Variants in SLC9A9 observed in about 807,000 individuals in gnomAD.
SLC9A9 encodes solute carrier family 9 member A9.
In SLC9A9, 62 loss-of-function variants were observed where a neutral mutation model predicts 77.8. The observed-to-expected ratio is 0.80, with a 90% CI of 0.65 to 0.98. The LOEUF (loss-of-function observed/expected upper bound fraction) is 0.98, where lower values mean the gene tolerates loss of function less well. Among genes scored for constraint, SLC9A9 ranks in the 50% least tolerant of loss-of-function variants. The pLI, the probability that SLC9A9 is intolerant of heterozygous loss-of-function variation, is 0.00. For synonymous variants in SLC9A9, 320 were observed against 283.5 expected (o/e 1.13, Z -1.29); for missense variants, 775 against 774.9 (o/e 1.00, Z 0.00).
At chr3:143,465,610 C>T (rs2035268654) in intron 12 of SLC9A9, among the ~76,000 whole-genome samples, 1 of 152,198 alleles carries the variant, frequency 6.6e-6, no homozygotes, top group South Asian at 2.1e-4. Context: ...TGGGGACCAG[C>T]ATCCTCTAAC....
intron 12 of SLC9A9, among the ~76,000 whole-genome samples, chr3:143,425,698 T>C (rs2034391137): frequency 6.6e-6 from 1 of 152,216 alleles, no homozygotes; most frequent in African/African-American, 2.4e-5. Context: ...CAAATTCAGT[T>C]TCAAGAACCC....
At chr3:143,486,326 A>T (rs2035652257) in intron 11 of SLC9A9, among the ~76,000 whole-genome samples, 2 of 152,136 alleles carry the variant, frequency 1.3e-5, no homozygotes, top group Admixed American at 1.3e-4. Context: ...TGCAGGGTGA[A>T]ATGAAATAAT....
intron 5 of SLC9A9, among the ~76,000 whole-genome samples, chr3:143,663,527 G>A (rs1288941000): frequency 6.6e-6 from 1 of 152,190 alleles, no homozygotes; most frequent in Admixed American, 6.5e-5. Context: ...CTGAGCTAAA[G>A]GTGGACGTTT....
At chr3:143,311,452 A>G (rs1197240613) in intron 14 of SLC9A9, among the ~76,000 whole-genome samples, 1 of 152,216 alleles carries the variant, frequency 6.6e-6, no homozygotes, top group African/African-American at 2.4e-5. Context: ...TTCTTTTTGC[A>G]ACATGATAAT....
intron 6 of SLC9A9, among the ~76,000 whole-genome samples, chr3:143,618,654 C>G (rs28379392): frequency 0.037 from 5,675 of 152,252 alleles, 165 homozygotes; most frequent in Non-Finnish European, 0.06. Context: ...CCATTCTTCT[C>G]AGCCTCCTTG....
At position 143,364,254 on chromosome 3, in the gene SLC9A9, T is replaced by C. The variant is rs535584965; in HGVS notation, c.1525-691A>G. ...AAAAAAAAGGAAAGAAAGTGAATTT[T>C]TTTTTGTGAGCTTTAGAGACAGATA... On this transcript the variant is annotated intron_variant, in intron 13 of 15. Transcript: ENST00000316549. Among the ~76,000 whole-genome samples, 6 of 152,272 alleles carry C rather than the reference T, an allele frequency of 3.9e-5. No homozygotes were observed. In the South Asian group the frequency reaches 1.2e-3, roughly 32 times the overall value.
intron 9 of SLC9A9, chr3:143,518,184 A>C: frequency 6.3e-7 from 1 of 1,599,232 alleles, no homozygotes; most frequent in African/African-American, 1.3e-5. Flanking sequence ...TCCTCCTTAC[A>C]CATTTTCACA....
At chr3:143,297,956 T>A (rs1450191195) in intron 14 of SLC9A9, among the ~76,000 whole-genome samples, 1 of 152,174 alleles carries the variant, frequency 6.6e-6, no homozygotes, top group Non-Finnish European at 1.5e-5. Context: ...TTGGGTTGGA[T>A]GCAGGTTTGC....
chr3:143,363,417 G>C (rs1236268219), intron 14 of SLC9A9, 67 bp downstream of exon 14: 213 of 1,441,188 alleles, frequency 1.5e-4, no homozygotes, highest in Non-Finnish European at 1.4e-5. Flanking sequence ...ACACTTCAAT[G>C]ATTAAGAGCT....
rs532013114 is a variant in SLC9A9, at chr3:143,372,086, CAT to C, written c.1525-8525_1525-8524del. 115 of 315,476 alleles carry C rather than the reference CAT, an allele frequency of 3.6e-4. 1 individual carries two copies. The highest frequency in any genetic ancestry group is 3.1e-3 in the South Asian group (109 of 35,406). The allele number at this position is 315,476 out of a possible 1,614,324, so 19.5% of individuals were successfully genotyped here. A position where few individuals can be genotyped will look rare whatever the true frequency, so the allele number is the denominator to read the frequency against. ...AATCATAGATCCAAATAAATGGAAA[CAT>C]ATCACATGGTTATGGATTAGAAGAA... On this transcript the variant is annotated intron_variant, in intron 13 of 15. Transcript: ENST00000316549.
chr3:143,633,968 C>T (rs2038469920), intron 6 of SLC9A9, among the ~76,000 whole-genome samples: 2 of 152,174 alleles, frequency 1.3e-5, no homozygotes, highest in East Asian at 1.9e-4. Flanking sequence ...AAACTGTTGC[C>T]TTTATATTGG....
chr3:143,290,958 C>T (rs935164012), intron 14 of SLC9A9, among the ~76,000 whole-genome samples: 1 of 152,160 alleles, frequency 6.6e-6, no homozygotes, highest in African/African-American at 2.4e-5. Context: ...TTTATCTCTT[C>T]CCAGTGCCTA....
chr3:143,548,253 C>T (rs1163045438), intron 9 of SLC9A9, among the ~76,000 whole-genome samples: 4 of 151,990 alleles, frequency 2.6e-5, no homozygotes, highest in African/African-American at 9.7e-5. Context: ...ATGGGAACAC[C>T]CTGGAGTTTG....
intron 9 of SLC9A9, among the ~76,000 whole-genome samples, chr3:143,510,485 T>A (rs77347097): frequency 0.028 from 4,319 of 152,342 alleles, 64 homozygotes; most frequent in Non-Finnish European, 0.037. Flanking sequence ...CTGGTTCCGA[T>A]CCTGTGTTGG....
intron 4 of SLC9A9, among the ~76,000 whole-genome samples, chr3:143,725,359 C>A (rs992226478): frequency 2.0e-5 from 3 of 151,926 alleles, no homozygotes; most frequent in African/African-American, 7.3e-5. Flanking sequence ...CTAGAAATAC[C>A]ATTTGACCCA....
intron 14 of SLC9A9, among the ~76,000 whole-genome samples, chr3:143,272,943 C>T (rs147464663): frequency 1.3e-5 from 2 of 152,146 alleles, no homozygotes; most frequent in African/African-American, 2.4e-5. Context: ...ATTTAACTTG[C>T]GTGAAATAGG....
At chr3:143,381,830 C>T (rs2033310277) in intron 13 of SLC9A9, 2 of 548,938 alleles carry the variant, frequency 3.6e-6, no homozygotes, top group Non-Finnish European at 3.3e-6. Context: ...TCCAGACTTC[C>T]TGCTGCCATA....
intron 9 of SLC9A9, among the ~76,000 whole-genome samples, chr3:143,520,313 C>A (rs1355386794): frequency 1.3e-5 from 2 of 152,108 alleles, no homozygotes; most frequent in Non-Finnish European, 2.9e-5. Context: ...AGATTAGTGT[C>A]CTAATAAGAA....
chr3:143,303,625 T>C (rs1190462343), intron 14 of SLC9A9, among the ~76,000 whole-genome samples: 2 of 151,060 alleles, frequency 1.3e-5, no homozygotes, highest in Non-Finnish European at 2.9e-5. Context: ...TTTGGAAAGA[T>C]ATTATTTGCT....
Sources: gnomAD v4.1 joint callset for allele counts (sites outside exome capture counted in the v4.1 genomes callset) on GRCh38, gnomAD v4.1.1 for gene constraint, MANE v1.5 for transcripts, NCBI Gene and HGNC (gene_info 2026-07-23, HGNC 2026-07-21) for gene names.